AMPH: variants seen among roughly 807,000 people sequenced by gnomAD.
AMPH encodes amphiphysin, also known as amphiphysin (Stiff-Mann syndrome with breast cancer 128kD autoantigen).
AMPH carries 49 observed loss-of-function variants against 99.1 expected under a neutral mutation model. The ratio of observed to expected loss-of-function variants is 0.49; its 90% confidence interval spans 0.39 to 0.63. The LOEUF (loss-of-function observed/expected upper bound fraction) is 0.63. Ranked by LOEUF, AMPH falls within the 20% of genes least tolerant of loss-of-function variation. AMPH has a pLI of 0.00. For missense variants in AMPH, 759 were observed against 863.4 expected (o/e 0.88, Z 1.52); for synonymous variants, 314 against 317.3 (o/e 0.99, Z 0.11).
intron 11 of AMPH, among the ~76,000 whole-genome samples, chr7:38,441,851 C>G (rs1245711621): frequency 2.1e-5 from 2 of 94,050 alleles, no homozygotes; most frequent in Non-Finnish European, 4.2e-5. Flanking sequence ...TCATATATAT[C>G]ATATATATCA....
At chr7:38,580,944 T>C (rs564582100) in intron 1 of AMPH, among the ~76,000 whole-genome samples, 51 of 152,306 alleles carry the variant, frequency 3.3e-4, no homozygotes, top group African/African-American at 1.2e-3. Context: ...AACTTGGAGT[T>C]TAGACTGGGT....
intron 1 of AMPH, among the ~76,000 whole-genome samples, chr7:38,558,271 G>C (rs1369353817): frequency 6.6e-6 from 1 of 152,118 alleles, no homozygotes; most frequent in Non-Finnish European, 1.5e-5. Flanking sequence ...ACAGCTCAAG[G>C]GCAATGCACT....
At chr7:38,411,907 A>T (rs1282917136) in intron 17 of AMPH, among the ~76,000 whole-genome samples, 1 of 152,244 alleles carries the variant, frequency 6.6e-6, no homozygotes, top group Non-Finnish European at 1.5e-5. Context: ...GCTAATGATA[A>T]CTAGTCATAT....
chr7:38,612,941 A>G (rs902223702), intron 1 of AMPH, among the ~76,000 whole-genome samples: 8 of 152,248 alleles, frequency 5.3e-5, no homozygotes, highest in African/African-American at 1.9e-4. Flanking sequence ...ACCTTGAGAA[A>G]GACATTGAAA....
intron 1 of AMPH, among the ~76,000 whole-genome samples, chr7:38,615,508 G>A (rs1793843186): frequency 1.3e-5 from 2 of 152,154 alleles, no homozygotes; most frequent in Non-Finnish European, 1.5e-5. Flanking sequence ...TCTGCCACAG[G>A]AGGATATAAC....
chr7:38,441,388 A>C (rs1256180910), intron 11 of AMPH, among the ~76,000 whole-genome samples: 2 of 152,146 alleles, frequency 1.3e-5, no homozygotes, highest in Non-Finnish European at 2.9e-5. Context: ...CCTAATTTAC[A>C]CTTATAACAT....
At chr7:38,415,085 ATGT>A (rs1332054342) in intron 17 of AMPH, among the ~76,000 whole-genome samples, 1 of 152,212 alleles carries the variant, frequency 6.6e-6, no homozygotes, top group Non-Finnish European at 1.5e-5. Context: ...GTAAAATTTG[ATGT>A]TGTTGGGAAA....
chr7:38,608,834 C>T (rs1458411729), intron 1 of AMPH, among the ~76,000 whole-genome samples: 1 of 152,104 alleles, frequency 6.6e-6, no homozygotes, highest in Non-Finnish European at 1.5e-5. Context: ...TGTCCATTTC[C>T]CCTAGGCAAG....
intron 14 of AMPH, chr7:38,429,160 C>A: frequency 7.8e-7 from 1 of 1,289,958 alleles, no homozygotes; most frequent in South Asian, 1.2e-5. Context: ...TTGAACAGGC[C>A]AGCTGTGTCC....
At chr7:38,426,006 G>A (rs961577621) in intron 15 of AMPH, among the ~76,000 whole-genome samples, 1 of 152,110 alleles carries the variant, frequency 6.6e-6, no homozygotes, top group Non-Finnish European at 1.5e-5. Context: ...ATGCATTAAC[G>A]TCTCTTTGTA....
At chr7:38,567,636 T>G (rs542764867) in intron 1 of AMPH, among the ~76,000 whole-genome samples, 90 of 152,372 alleles carry the variant, frequency 5.9e-4, no homozygotes, top group African/African-American at 2.0e-3. Flanking sequence ...AAGAGTACCT[T>G]TCTGCCCATG....
intron 2 of AMPH, among the ~76,000 whole-genome samples, chr7:38,518,976 C>T (rs538199947): frequency 2.8e-4 from 43 of 152,326 alleles, no homozygotes; most frequent in Middle Eastern, 3.4e-3. Flanking sequence ...GCGGGTTTCA[C>T]GCTCATAAAT....
At chr7:38,620,929 C>T (rs1039536863) in intron 1 of AMPH, among the ~76,000 whole-genome samples, 13 of 152,232 alleles carry the variant, frequency 8.5e-5, no homozygotes, top group Non-Finnish European at 5.9e-5. Flanking sequence ...ATCACACAAA[C>T]GAGGGACTGC....
intron 1 of AMPH, among the ~76,000 whole-genome samples, chr7:38,582,115 G>A (rs561711710): frequency 8.6e-4 from 131 of 152,234 alleles, no homozygotes; most frequent in Non-Finnish European, 1.5e-3. Context: ...AAAGAAGCCC[G>A]AAGCCTGAGC....
chr7:38,394,040 G>A lies in AMPH; in HGVS notation c.1573C>T (p.Pro525Ser). 5 of 1,614,182 alleles carry A rather than the reference G, an allele frequency of 3.1e-6. No homozygotes were observed. The highest frequency in any genetic ancestry group is 4.2e-6 in the Non-Finnish European group (5 of 1,180,036). The part of the protein sequence containing the change: ...ETTEGAESAQ[P>S]EAEELEATVP... ...GTTGCTTCGAGCTCCTCTGCTTCAG[G>A]TTGGGCACTCTCTGCACCCTCAGTG... Residue 525 changes from proline to serine, a missense_variant, in exon 18 of 21, where the codon CCT becomes TCT. Physicochemically the swap from Pro to Ser is moderately conservative, Grantham distance 74 (BLOSUM62 -1). Coordinates refer to ENST00000356264, the MANE Select transcript of AMPH (RefSeq NM_001635.4).
intron 1 of AMPH, among the ~76,000 whole-genome samples, chr7:38,585,428 G>A (rs1022577967): frequency 3.9e-5 from 6 of 152,156 alleles, no homozygotes; most frequent in Non-Finnish European, 8.8e-5. Flanking sequence ...CTGCTAACTA[G>A]GGCACTCACA....
chr7:38,461,613 G>A (rs1787447901), intron 10 of AMPH, among the ~76,000 whole-genome samples: 1 of 152,156 alleles, frequency 6.6e-6, no homozygotes, highest in Admixed American at 6.5e-5. Flanking sequence ...CATGGTTCAA[G>A]GCAAAAACAA....
intron 19 of AMPH, among the ~76,000 whole-genome samples, chr7:38,390,961 C>CAGAGAGAGAGAGAG (rs199667568): frequency 1.1e-4 from 14 of 129,286 alleles, no homozygotes; most frequent in South Asian, 5.7e-4. Context: ...GAGACAAAGA[C>CAGAGAGAGAGAGAG]AGAGAGAGAG....
chr7:38,431,508 T>C (rs56347559), intron 13 of AMPH, among the ~76,000 whole-genome samples: 19,603 of 151,698 alleles, frequency 0.13, 1,493 homozygotes, highest in East Asian at 0.25. Flanking sequence ...ATACAAAAAT[T>C]AGTTGGGCGC....
Sources: gnomAD v4.1 joint callset for allele counts (sites outside exome capture counted in the v4.1 genomes callset) on GRCh38, gnomAD v4.1.1 for gene constraint, MANE v1.5 for transcripts, NCBI Gene and HGNC (gene_info 2026-07-23, HGNC 2026-07-21) for gene names.